Variants in TGFBR3 observed in about 807,000 individuals in gnomAD.
The protein encoded by TGFBR3 is transforming growth factor beta receptor type 3.
A neutral mutation model predicts 87.9 loss-of-function variants in TGFBR3; 46 were observed. That is an observed-to-expected ratio of 0.52 (90% CI 0.41 to 0.67). The LOEUF is 0.67. Among genes scored for constraint, TGFBR3 ranks in the 30% least tolerant of loss-of-function variants. The pLI, the probability that TGFBR3 is intolerant of heterozygous loss-of-function variation, is 0.00. For synonymous variants in TGFBR3, 381 were observed against 391.6 expected (o/e 0.97, Z 0.32); for missense variants, 866 against 1,041.9 (o/e 0.83, Z 2.32).
intron 2 of TGFBR3, among the ~76,000 whole-genome samples, chr1:91,830,501 T>G (rs1346207508): frequency 6.6e-6 from 1 of 152,102 alleles, no homozygotes; most frequent in Non-Finnish European, 1.5e-5. Context: ...AAGCAGCTGC[T>G]AAATAACAGA....
chr1:91,800,072 A>G (rs1324196172), intron 2 of TGFBR3, among the ~76,000 whole-genome samples: 1 of 151,720 alleles, frequency 6.6e-6, no homozygotes, highest in Non-Finnish European at 1.5e-5. Context: ...ACCCTGATGA[A>G]GTGACAGGAC....
chr1:91,754,500 G>A (rs1039687323), intron 4 of TGFBR3, among the ~76,000 whole-genome samples: 2 of 152,134 alleles, frequency 1.3e-5, no homozygotes, highest in Admixed American at 6.5e-5. Context: ...TTGAAACTCA[G>A]CCTGAAAGCA....
intron 2 of TGFBR3, among the ~76,000 whole-genome samples, chr1:91,797,788 A>C (rs2297142): frequency 0.28 from 42,110 of 152,182 alleles, 6,614 homozygotes; most frequent in African/African-American, 0.43. Context: ...AGAAAATCAG[A>C]GATAAAATAA....
At chr1:91,710,867 G>A (rs1156380795) in intron 13 of TGFBR3, among the ~76,000 whole-genome samples, 3 of 152,246 alleles carry the variant, frequency 2.0e-5, no homozygotes, top group Admixed American at 1.3e-4. Context: ...GGGGTAAAGG[G>A]CGACTTGAGG....
chr1:91,848,723 A>G (rs899972281), intron 2 of TGFBR3, among the ~76,000 whole-genome samples: 3 of 152,218 alleles, frequency 2.0e-5, no homozygotes, highest in Non-Finnish European at 4.4e-5. Flanking sequence ...GCACTTCTGC[A>G]AAAGGTGGTA....
chr1:91,716,854 T>G, intron 10 of TGFBR3, 146 bp from the exon 11 acceptor site: 1 of 1,031,046 alleles, frequency 9.7e-7, no homozygotes, highest in East Asian at 2.4e-5. Flanking sequence ...ACATCCAGGC[T>G]TTTTCGAATT....
In TGFBR3 at chr1:91,753,390, CAAAAAAAAAAAAAA is replaced by C. The variant is rs71586711; in HGVS notation, c.384+5209_384+5222del. ...GAGTAAGGGAGTGAGACTCTGTCCTCAAAAAAAAAAAAAAAAAAAAAAAAAAAAGTGCTGCAGCA... is the reference window on the plus strand; with the variant it reads ...GAGTAAGGGAGTGAGACTCTGTCCTCAAAAAAAAAAAAAAGTGCTGCAGCA... On this transcript the variant is annotated intron_variant, in intron 4 of 16. Coordinates refer to ENST00000212355, the MANE Select transcript of TGFBR3 (RefSeq NM_003243.5). Among the ~76,000 whole-genome samples the C allele has an allele frequency of 7.1e-4, 37 of 52,354 alleles. 2 individuals carry two copies. The highest frequency in any genetic ancestry group is 4.8e-3 in the Admixed American group (16 of 3,348). 34.3% of individuals were successfully genotyped at this position (52,354 alleles called of 152,430 possible).
intron 2 of TGFBR3, among the ~76,000 whole-genome samples, chr1:91,836,890 G>A (rs1156830487): frequency 6.6e-6 from 1 of 152,146 alleles, no homozygotes; most frequent in African/African-American, 2.4e-5. Context: ...TTATGACAGA[G>A]CTGGCCCTCC....
chr1:91,732,404 G>A (rs143663107), intron 5 of TGFBR3, among the ~76,000 whole-genome samples: 20 of 152,272 alleles, frequency 1.3e-4, no homozygotes, highest in African/African-American at 4.8e-4. Flanking sequence ...GTTGGTCTGG[G>A]TTGGGCCTGA....
At chr1:91,702,267 A>C (rs193150322) in intron 14 of TGFBR3, among the ~76,000 whole-genome samples, 2 of 152,284 alleles carry the variant, frequency 1.3e-5, no homozygotes, top group Admixed American at 1.3e-4. Flanking sequence ...TTTTTGAATA[A>C]ATAACCACAA....
intron 2 of TGFBR3, among the ~76,000 whole-genome samples, chr1:91,894,918 G>T (rs1269869931): frequency 6.6e-6 from 1 of 152,130 alleles, no homozygotes; most frequent in East Asian, 1.9e-4. Context: ...CTACAGGTAT[G>T]TACCACCACA....
At chr1:91,905,056 G>A (rs1319607380) in intron 1 of TGFBR3, among the ~76,000 whole-genome samples, 6 of 151,978 alleles carry the variant, frequency 3.9e-5, no homozygotes, top group East Asian at 3.9e-4. Context: ...ATTTCTGGGC[G>A]AATTAAATAT....
At chr1:91,736,509 C>A (rs1672971631) in intron 4 of TGFBR3, among the ~76,000 whole-genome samples, 1 of 151,442 alleles carries the variant, frequency 6.6e-6, no homozygotes, top group African/African-American at 2.4e-5. Flanking sequence ...TGTCCTGATG[C>A]CAGTTATAAA....
chr1:91,792,802 T>C (rs759872877), intron 3 of TGFBR3, among the ~76,000 whole-genome samples: 7 of 152,222 alleles, frequency 4.6e-5, no homozygotes, highest in Non-Finnish European at 1.0e-4. Context: ...ATGGAAACCA[T>C]GACACTGGTC....
chr1:91,727,320 A>T (rs1454229175), intron 7 of TGFBR3, among the ~76,000 whole-genome samples: 1 of 152,208 alleles, frequency 6.6e-6, no homozygotes. Flanking sequence ...ATGAAGGCTT[A>T]ATTGTGTTCA....
upstream of TGFBR3, among the ~76,000 whole-genome samples, chr1:91,887,822 A>G (rs1299425025): frequency 1.3e-5 from 2 of 152,208 alleles, no homozygotes; most frequent in Admixed American, 1.3e-4. Context: ...TGACTATGGG[A>G]GAGCCCTGAG....
At chr1:91,840,545 A>G (rs1677236519) in intron 2 of TGFBR3, among the ~76,000 whole-genome samples, 1 of 151,164 alleles carries the variant, frequency 6.6e-6, no homozygotes, top group Non-Finnish European at 1.5e-5. Flanking sequence ...AATATCATGC[A>G]TGATTTTGTA....
intron 4 of TGFBR3, among the ~76,000 whole-genome samples, chr1:91,738,136 C>T (rs1379846703): frequency 6.6e-6 from 1 of 152,182 alleles, no homozygotes; most frequent in African/African-American, 2.4e-5. Flanking sequence ...TACAGGCCTT[C>T]GAACTGGAAC....
intron 12 of TGFBR3, among the ~76,000 whole-genome samples, chr1:91,715,231 G>A (rs929052336): frequency 6.6e-6 from 1 of 152,172 alleles, no homozygotes; most frequent in Non-Finnish European, 1.5e-5. Flanking sequence ...GGTGCCATAA[G>A]GACATTTATC....
Sources: gnomAD v4.1 joint callset for allele counts (sites outside exome capture counted in the v4.1 genomes callset) on GRCh38, gnomAD v4.1.1 for gene constraint, MANE v1.5 for transcripts, NCBI Gene and HGNC (gene_info 2026-07-23, HGNC 2026-07-21) for gene names.